Variants in CFAP299 observed in about 807,000 individuals in gnomAD.
The protein encoded by CFAP299 is cilia- and flagella-associated protein 299.
In CFAP299, 21 loss-of-function variants were observed where a neutral mutation model predicts 27.0. The ratio of observed to expected loss-of-function variants is 0.78; its 90% CI spans 0.55 to 1.12. The LOEUF is 1.12. CFAP299 is among the 50% of genes most tolerant of loss of function. The pLI is 0.00. For missense variants in CFAP299, 310 were observed against 276.6 expected (o/e 1.12, Z -0.86); for synonymous variants, 104 against 98.1 (o/e 1.06, Z -0.36).
intron 3 of CFAP299, among the ~76,000 whole-genome samples, chr4:80,807,608 T>C (rs1728929793): frequency 6.6e-6 from 1 of 152,104 alleles, no homozygotes; most frequent in Admixed American, 6.6e-5. Flanking sequence ...TAAAGGTCTC[T>C]GGTACCTTTC....
At chr4:80,918,281 T>C (rs1313575579) in intron 4 of CFAP299, among the ~76,000 whole-genome samples, 3 of 152,342 alleles carry the variant, frequency 2.0e-5, no homozygotes, top group Admixed American at 1.3e-4. Context: ...AATCTGATTA[T>C]GAGATAAACT....
At chr4:80,874,251 T>G (rs1733259033) in intron 4 of CFAP299, among the ~76,000 whole-genome samples, 1 of 152,242 alleles carries the variant, frequency 6.6e-6, no homozygotes, top group African/African-American at 2.4e-5. Flanking sequence ...TCAGCAGATA[T>G]TCACTGAATT....
chr4:80,879,939 T>C (rs1048877875), intron 4 of CFAP299, among the ~76,000 whole-genome samples: 1 of 152,232 alleles, frequency 6.6e-6, no homozygotes, highest in Admixed American at 6.5e-5. Context: ...TCCTATAATC[T>C]GTCTTTACTA....
At chr4:80,518,978 G>C (rs894395385) in intron 2 of CFAP299, among the ~76,000 whole-genome samples, 2 of 152,236 alleles carry the variant, frequency 1.3e-5, no homozygotes, top group African/African-American at 4.8e-5. Flanking sequence ...AGTGTGAATA[G>C]AGCAACAAGA....
rs555463684 is a variant in CFAP299 at position 80,622,181 on chromosome 4, T to G, written c.333+38998T>G. Among the ~76,000 whole-genome samples, 4 of 152,234 alleles carry G rather than the reference T, an allele frequency of 2.6e-5. No homozygotes were observed. In the South Asian group the frequency reaches 8.3e-4, roughly 32 times the overall value. On this transcript the variant is annotated intron_variant, in intron 3 of 5. Coordinates refer to ENST00000358105, the MANE Select transcript of CFAP299 (RefSeq NM_152770.3). ...TATTTTTGAATAATAATTTTTCTGATCATGAGAGAGGAAAAACATAATAGG... is the reference window on the plus strand; with the variant it reads ...TATTTTTGAATAATAATTTTTCTGAGCATGAGAGAGGAAAAACATAATAGG...
chr4:80,591,093 A>G (rs1184497820), intron 3 of CFAP299, among the ~76,000 whole-genome samples: 1 of 146,294 alleles, frequency 6.8e-6, no homozygotes, highest in African/African-American at 2.5e-5. Context: ...ACAGATTATA[A>G]TACTTTAGGA....
At chr4:80,956,978 G>A (rs544288230) in intron 5 of CFAP299, among the ~76,000 whole-genome samples, 9 of 151,962 alleles carry the variant, frequency 5.9e-5, no homozygotes, top group Admixed American at 2.0e-4. Context: ...CTTTCTGATA[G>A]CTTTCATTGC....
the CFAP299 span, among the ~76,000 whole-genome samples, chr4:80,330,162 C>G: frequency 3.9e-4 from 59 of 152,204 alleles, no homozygotes; most frequent in Admixed American, 6.5e-4. Flanking sequence ...CTATAAAATT[C>G]TTTCCCCAAA....
At chr4:80,416,681 A>C (rs1435033426) in intron 2 of CFAP299, among the ~76,000 whole-genome samples, 1 of 152,246 alleles carries the variant, frequency 6.6e-6, no homozygotes, top group Non-Finnish European at 1.5e-5. Flanking sequence ...TAATTTGTAC[A>C]TTGCATCATT....
At chr4:80,671,306 G>A (rs986606162) in intron 3 of CFAP299, among the ~76,000 whole-genome samples, 19 of 152,062 alleles carry the variant, frequency 1.2e-4, no homozygotes, top group South Asian at 4.2e-4. Flanking sequence ...TTGTAGATTC[G>A]TGGTGTTCTT....
chr4:80,871,375 C>T (rs1161564875), intron 4 of CFAP299: 2 of 985,288 alleles, frequency 2.0e-6, no homozygotes, highest in Admixed American at 6.2e-5. Flanking sequence ...TTTCACTGCA[C>T]TTGTAGCTAC....
At chr4:80,469,321 A>G (rs547733608) in intron 2 of CFAP299, among the ~76,000 whole-genome samples, 3 of 152,326 alleles carry the variant, frequency 2.0e-5, no homozygotes. Flanking sequence ...GCTGCAATGT[A>G]TTTATCTGAA....
intron 2 of CFAP299, among the ~76,000 whole-genome samples, chr4:80,473,582 T>A (rs1466381096): frequency 6.6e-6 from 1 of 152,080 alleles, no homozygotes; most frequent in Non-Finnish European, 1.5e-5. Context: ...AAATAGATTT[T>A]TTTTTTGAGA....
At chr4:80,894,778 ATGTGTGTGAGTG>A (rs1404549769) in intron 4 of CFAP299, among the ~76,000 whole-genome samples, 2 of 151,554 alleles carry the variant, frequency 1.3e-5, no homozygotes, top group East Asian at 1.9e-4. Flanking sequence ...AGGTACAGAT[ATGTGTGTGAGTG>A]TGTGTGTGAG....
chr4:80,619,991 A>G (rs950324875), intron 3 of CFAP299, among the ~76,000 whole-genome samples: 1 of 152,134 alleles, frequency 6.6e-6, no homozygotes, highest in African/African-American at 2.4e-5. Context: ...ATCAATAATC[A>G]TAAGCATTGA....
At chr4:80,737,738 A>C (rs1723992820) in intron 3 of CFAP299, among the ~76,000 whole-genome samples, 1 of 152,062 alleles carries the variant, frequency 6.6e-6, no homozygotes, top group Non-Finnish European at 1.5e-5. Flanking sequence ...TTAAACAAAC[A>C]AAAAAAGAAG....
At chr4:80,900,123 A>AGAGTGTGTGT (rs1553904499) in intron 4 of CFAP299, among the ~76,000 whole-genome samples, 27 of 139,892 alleles carry the variant, frequency 1.9e-4, no homozygotes, top group African/African-American at 6.7e-4. Context: ...AGTGGAAGAA[A>AGAGTGTGTGT]GTGTGTGTGT....
At chr4:80,870,900 A>C in intron 4 of CFAP299, 3 of 984,054 alleles carry the variant, frequency 3.0e-6, no homozygotes, top group Non-Finnish European at 3.6e-6. Flanking sequence ...CTTATCCATC[A>C]CCTTTTTTTG....
chr4:80,799,753 TAATATATAAA>T (rs1172471083), intron 3 of CFAP299, among the ~76,000 whole-genome samples: 3 of 51,940 alleles, frequency 5.8e-5, no homozygotes, highest in African/African-American at 1.5e-4. Context: ...TATAAATATA[TAATATATAAA>T]TATATTATAT....
Sources: gnomAD v4.1 joint callset for allele counts (sites outside exome capture counted in the v4.1 genomes callset) on GRCh38, gnomAD v4.1.1 for gene constraint, MANE v1.5 for transcripts, NCBI Gene and HGNC (gene_info 2026-07-23, HGNC 2026-07-21) for gene names.